Variants in LUC7L3 observed in about 807,000 individuals in gnomAD.
LUC7L3 encodes luc7-like protein 3.
Under a neutral mutation model 66.8 loss-of-function variants are expected in LUC7L3, and 6 were observed. That is an observed-to-expected ratio of 0.09 (90% CI 0.05 to 0.18). The LOEUF is 0.18. LUC7L3 is among the 10% of genes least tolerant of loss of function. The pLI is 1.00. For missense variants in LUC7L3, 341 were observed against 531.1 expected (o/e 0.64, Z 3.52); for synonymous variants, 160 against 174.7 (o/e 0.92, Z 0.66).
At chr17:50,748,591 T>C (rs779719647) in intron 9 of LUC7L3, among the ~76,000 whole-genome samples, 11 of 152,022 alleles carry the variant, frequency 7.2e-5, no homozygotes, top group Admixed American at 1.3e-4. Flanking sequence ...CCTAAAGTGC[T>C]GGGGTTATAG....
intron 1 of LUC7L3, among the ~76,000 whole-genome samples, chr17:50,735,391 A>G (rs1023282729): frequency 6.6e-6 from 1 of 152,142 alleles, no homozygotes; most frequent in Admixed American, 6.5e-5. Flanking sequence ...CCTATTTCAG[A>G]TTTAGCACCC....
At chr17:50,735,364 G>A (rs1488804601) in intron 1 of LUC7L3, among the ~76,000 whole-genome samples, 4 of 151,936 alleles carry the variant, frequency 2.6e-5, no homozygotes, top group East Asian at 3.9e-4. Context: ...GTGTAAAGCC[G>A]TTGAGGAAAA....
At chr17:50,729,946 GT>G (rs1969474490) in intron 1 of LUC7L3, among the ~76,000 whole-genome samples, 1 of 28,870 alleles carries the variant, frequency 3.5e-5, no homozygotes, top group Non-Finnish European at 7.9e-5. Flanking sequence ...ATATATATAT[GT>G]ATGTATTTTG....
At chr17:50,749,336 T>C in intron 9 of LUC7L3, 1 of 1,288,968 alleles carries the variant, frequency 7.8e-7, no homozygotes, top group Non-Finnish European at 1.0e-6. Flanking sequence ...GGGAGGACTT[T>C]CCCACAAGGT....
intron 1 of LUC7L3, among the ~76,000 whole-genome samples, chr17:50,721,681 T>C (rs1016829261): frequency 1.3e-5 from 2 of 152,228 alleles, no homozygotes; most frequent in Non-Finnish European, 2.9e-5. Flanking sequence ...ATAATGAAGC[T>C]GGGGAAGCTG....
intron 1 of LUC7L3, among the ~76,000 whole-genome samples, chr17:50,732,301 G>A (rs1969658136): frequency 6.6e-6 from 1 of 152,240 alleles, no homozygotes; most frequent in South Asian, 2.1e-4. Flanking sequence ...AGTTGCTTTC[G>A]CTTTTACATA....
At position 50,751,525 on chromosome 17, in the gene LUC7L3, A is replaced by G; in HGVS notation, c.*864A>G. Reference sequence around the variant, plus strand: ...AACTTATAAAACAAATGTTAACAGAATGGAATTTTTTTTCAACTGTATGTA... The same window carrying G: ...AACTTATAAAACAAATGTTAACAGAGTGGAATTTTTTTTCAACTGTATGTA... On this transcript the variant is annotated 3_prime_UTR_variant, in exon 10 of 10. Coordinates refer to ENST00000505658, the MANE Select transcript of LUC7L3 (RefSeq NM_016424.5). 8.5e-7 allele frequency: 1 copy of G among 1,178,794 alleles called. No individual in the cohort carries two copies. 73.0% of individuals were successfully genotyped at this position (1,178,794 alleles called of 1,614,324 possible). A position where few individuals can be genotyped will look rare whatever the true frequency, so the allele number is the denominator to read the frequency against.
chr17:50,732,855 A>G (rs539153240), intron 1 of LUC7L3, among the ~76,000 whole-genome samples: 78 of 150,516 alleles, frequency 5.2e-4, no homozygotes, highest in Non-Finnish European at 8.9e-4. Context: ...TCCCATCTCA[A>G]CCTCCCAAAG....
At position 50,739,639 on chromosome 17, in the gene LUC7L3, G is replaced by A. The variant is rs138264269; in HGVS notation, c.167-667G>A. Among the ~76,000 whole-genome samples, 632 of 130,838 alleles carry A rather than the reference G, an allele frequency of 4.8e-3. 3 individuals are homozygous for A. Among genetic ancestry groups the A allele is most frequent in the African/African-American group, 0.019 (615 of 31,716 alleles). The allele number at this position is 130,838 out of a possible 152,430, so 85.8% of individuals were successfully genotyped here. A position where few individuals can be genotyped will look rare whatever the true frequency, so the allele number is the denominator to read the frequency against. The stretch of plus-strand genomic sequence containing the variant: ...GCTGCACTCCGGCCTGGGCGACAGA[G>A]CAAGACTCTATCTCAAAAAAAACAA... On this transcript the variant is annotated intron_variant, in intron 2 of 9. Transcript: ENST00000505658.
chr17:50,735,324 C>T (rs972282373), intron 1 of LUC7L3, among the ~76,000 whole-genome samples: 18 of 151,696 alleles, frequency 1.2e-4, no homozygotes, highest in African/African-American at 4.4e-4. Context: ...ATCCTGGATG[C>T]AGCTTATGGA....
At chr17:50,737,407 GA>G (rs1274042561) in intron 2 of LUC7L3, 2 of 445,260 alleles carry the variant, frequency 4.5e-6, no homozygotes, top group Non-Finnish European at 8.9e-6. Context: ...AAAGCCTGCA[GA>G]AGGGGATACT....
chr17:50,728,639 C>G (rs1013896968), intron 1 of LUC7L3, among the ~76,000 whole-genome samples: 1 of 152,148 alleles, frequency 6.6e-6, no homozygotes, highest in African/African-American at 2.4e-5. Context: ...TGCAAACCTC[C>G]GCTTCCCAGG....
At chr17:50,731,791 G>C (rs773038820) in intron 1 of LUC7L3, among the ~76,000 whole-genome samples, 18 of 152,154 alleles carry the variant, frequency 1.2e-4, no homozygotes, top group Non-Finnish European at 2.4e-4. Context: ...GATTGGACTA[G>C]ATTAGGTAGC....
At chr17:50,748,159 G>A (rs1328304265) in intron 9 of LUC7L3, among the ~76,000 whole-genome samples, 4 of 152,166 alleles carry the variant, frequency 2.6e-5, no homozygotes, top group African/African-American at 9.7e-5. Flanking sequence ...ATAAAAGCTA[G>A]CTAGCCTTCA....
chr17:50,745,695 T>G, intron 7 of LUC7L3, 25 bp from the exon 8 acceptor site: 1 of 1,559,482 alleles, frequency 6.4e-7, no homozygotes, highest in Non-Finnish European at 8.6e-7. Flanking sequence ...TACATTTGCA[T>G]AAGAATCCAA....
chr17:50,750,476 T>C lies in LUC7L3; in HGVS notation c.1139-25T>C, dbSNP rs899594836. Reference sequence around the variant, plus strand: ...TTATTGTATTTTACTTTAAAATCCATGGTCAATGTCTTCTTTTATGGCAGA... The same window carrying C: ...TTATTGTATTTTACTTTAAAATCCACGGTCAATGTCTTCTTTTATGGCAGA... On this transcript the variant is annotated intron_variant, in intron 9 of 9. Coordinates refer to ENST00000505658, the MANE Select transcript of LUC7L3 (RefSeq NM_016424.5). The C allele has an allele frequency of 8.2e-6, 13 of 1,588,042 alleles. No individual in the cohort carries two copies. The African/African-American group carries it at 1.5e-4, about 18-fold the overall frequency.
chr17:50,748,638 T>C (rs1597943616), intron 9 of LUC7L3, among the ~76,000 whole-genome samples: 1 of 152,096 alleles, frequency 6.6e-6, no homozygotes, highest in East Asian at 1.9e-4. Context: ...GTAAAACTTT[T>C]CGTTAAGCGG....
rs1021300674 is a variant in LUC7L3 at position 50,735,747 on chromosome 17, C to G, written c.100-1213C>G. Among the ~76,000 whole-genome samples, 3 of 152,316 alleles carry G rather than the reference C, an allele frequency of 2.0e-5. No homozygotes were observed. The East Asian group carries it at 5.8e-4, about 29-fold the overall frequency. Reference sequence around the variant, plus strand: ...TCCTGGGCTAAAGTTATCCTCCTGCCTTGGCCTCCTAATGTGTTGGGATTA... The same window carrying G: ...TCCTGGGCTAAAGTTATCCTCCTGCGTTGGCCTCCTAATGTGTTGGGATTA... On this transcript the variant is annotated intron_variant, in intron 1 of 9. Coordinates refer to ENST00000505658, the MANE Select transcript of LUC7L3 (RefSeq NM_016424.5).
rs1289224261 is a variant in LUC7L3 at position 50,755,967 on chromosome 17, C to T, written c.*5306C>T. The T allele has an allele frequency of 1.3e-5, 2 of 152,194 alleles. No homozygotes were observed. Among genetic ancestry groups the T allele is most frequent in the Non-Finnish European group, 2.9e-5 (2 of 68,042 alleles). The allele number at this position is 152,194 out of a possible 1,614,324, so 9.4% of individuals were successfully genotyped here. A position where few individuals can be genotyped will look rare whatever the true frequency, so the allele number is the denominator to read the frequency against. ...AAGCAAGTCACAGAAGAATACATCA[C>T]TATGGTTCCATTTCAATGAAAGTCA... is the stretch of plus-strand genomic sequence containing the variant. On this transcript the variant is annotated 3_prime_UTR_variant, in exon 10 of 10. Transcript: ENST00000505658.
Sources: gnomAD v4.1 joint callset for allele counts (sites outside exome capture counted in the v4.1 genomes callset) on GRCh38, gnomAD v4.1.1 for gene constraint, MANE v1.5 for transcripts, NCBI Gene and HGNC (gene_info 2026-07-23, HGNC 2026-07-21) for gene names.